Variants in METTL6 observed in about 807,000 individuals in gnomAD.
The protein encoded by METTL6 is methyltransferase 6, tRNA N3-cytidine.
Under a neutral mutation model 26.4 loss-of-function variants are expected in METTL6, and 22 were observed. The ratio of observed to expected loss-of-function variants is 0.83; its 90% CI spans 0.59 to 1.19. METTL6 has a LOEUF of 1.19. Ranked by LOEUF, METTL6 falls within the 50% of genes most tolerant of loss-of-function variation. The probability of loss-of-function intolerance (pLI) is 0.00; values close to 1 mark genes in which losing one functional copy is unlikely to be tolerated. For missense variants in METTL6, 304 were observed against 324.8 expected, an observed-to-expected ratio of 0.94 and a Z score of 0.49; for synonymous variants, 109 against 116.2, an observed-to-expected ratio of 0.94 and a Z score of 0.40.
chr3:15,409,833 A>G lies in METTL6; in HGVS notation c.*1423T>C, dbSNP rs1442236585. Among the ~76,000 whole-genome samples, 1 of 152,228 alleles carries G rather than the reference A, an allele frequency of 6.6e-6. No individual in the cohort carries two copies. Among genetic ancestry groups the G allele is most frequent in the Non-Finnish European group, 1.5e-5 (1 of 68,044 alleles). On this transcript the variant is annotated 3_prime_UTR_variant, in exon 6 of 6. Coordinates refer to ENST00000383790, the MANE Select transcript of METTL6 (RefSeq NM_152396.4). ...TTTTGAAGAAATACATAACTGAACT[A>G]AAGGGGAGACCAATGGGCAAATATG...
chr3:15,424,095 G>A (rs1323156632), intron 3 of METTL6, among the ~76,000 whole-genome samples: 9 of 151,974 alleles, frequency 5.9e-5, no homozygotes, highest in Non-Finnish European at 8.8e-5. Flanking sequence ...TGAAAGAATC[G>A]CTTAAGCCCA....
chr3:15,385,450 T>C (rs1045866618), intron 6 of METTL6, among the ~76,000 whole-genome samples: 4 of 151,822 alleles, frequency 2.6e-5, no homozygotes, highest in South Asian at 4.2e-4. Flanking sequence ...ATACAAAACA[T>C]AGCTGCGCGT....
At chr3:15,409,253 G>A (rs145502956), downstream of METTL6, among the ~76,000 whole-genome samples, 1 of 152,206 alleles carries the variant, frequency 6.6e-6, no homozygotes, top group Non-Finnish European at 1.5e-5. Context: ...TCCAGATGTA[G>A]TTGGAGTTGA....
At chr3:15,417,982 G>A (rs1053651025) in intron 3 of METTL6, among the ~76,000 whole-genome samples, 3 of 152,144 alleles carry the variant, frequency 2.0e-5, no homozygotes, top group Non-Finnish European at 4.4e-5. Context: ...CAAGAGAGGA[G>A]ACAAAAACAA....
intron 6 of METTL6, among the ~76,000 whole-genome samples, chr3:15,390,820 C>A (rs9859655): frequency 6.7e-6 from 1 of 148,426 alleles, no homozygotes; most frequent in Middle Eastern, 3.2e-3. Context: ...TCATGTCACA[C>A]GAACAGATTG....
intron 4 of METTL6, 84 bp downstream of exon 4, chr3:15,415,688 A>T: frequency 6.3e-7 from 1 of 1,597,488 alleles, no homozygotes; most frequent in Non-Finnish European, 8.6e-7. Flanking sequence ...ATGTGAATCT[A>T]GACAGTACAT....
rs79200789 is a variant in METTL6, at chr3:15,426,341, G to A, written c.171C>T (p.Phe57=). The A allele has an allele frequency of 6.2e-7, 1 of 1,614,022 alleles. No individual in the cohort carries two copies. The highest frequency in any genetic ancestry group is 1.3e-5 in the African/African-American group (1 of 74,902). The stretch of plus-strand genomic sequence containing the variant: ...CTCTGGTGGTCCAGTGTCTGTCTTT[G>A]AAGAAATTAGTGCTATTTCTTTTGT... ...LFYKRNSTNF[F]KDRHWTTREF... The change falls in exon 2 of 6, where the codon TTC becomes TTT. Residue 57 remains phenylalanine, a synonymous_variant. Coordinates refer to ENST00000383790, the MANE Select transcript of METTL6 (RefSeq NM_152396.4).
chr3:15,415,537 T>C, intron 4 of METTL6: 1 of 1,598,156 alleles, frequency 6.3e-7, no homozygotes, highest in African/African-American at 1.3e-5. Context: ...AACTGCAAAA[T>C]CATCCTTGTC....
downstream of METTL6, among the ~76,000 whole-genome samples, chr3:15,405,080 C>T (rs1321498991): frequency 6.6e-6 from 1 of 152,192 alleles, no homozygotes; most frequent in African/African-American, 2.4e-5. Flanking sequence ...CCCTTCTCTG[C>T]TTTGGCCTTA....
chr3:15,407,667 G>A (rs1006398284), downstream of METTL6, among the ~76,000 whole-genome samples: 6 of 152,132 alleles, frequency 3.9e-5, no homozygotes, highest in South Asian at 6.2e-4. Flanking sequence ...CCAACAGCCC[G>A]TTAGTCTTCT....
At chr3:15,424,862 A>G in intron 3 of METTL6, 93 bp downstream of exon 3, 1 of 1,543,676 alleles carries the variant, frequency 6.5e-7, no homozygotes, top group Non-Finnish European at 8.9e-7. Flanking sequence ...GCTCCAGGGA[A>G]GACTAGAATT....
At chr3:15,418,747 A>C (rs1309276841) in intron 3 of METTL6, among the ~76,000 whole-genome samples, 1 of 152,092 alleles carries the variant, frequency 6.6e-6, no homozygotes, top group Non-Finnish European at 1.5e-5. Flanking sequence ...AATCCTAGGA[A>C]TAGCTGGGCG....
chr3:15,391,947 T>C (rs1450801345), intron 6 of METTL6, among the ~76,000 whole-genome samples: 9 of 152,174 alleles, frequency 5.9e-5, no homozygotes, highest in African/African-American at 1.2e-4. Context: ...TGAATAGTGC[T>C]GCAATAAACA....
At chr3:15,386,334 G>C (rs974491468) in intron 6 of METTL6, among the ~76,000 whole-genome samples, 1 of 152,214 alleles carries the variant, frequency 6.6e-6, no homozygotes, top group South Asian at 2.1e-4. Flanking sequence ...TGCTTCCTTG[G>C]AGGACAGAAT....
chr3:15,415,994 C>G (rs773728876), intron 3 of METTL6, 52 bp from the exon 4 acceptor site: 2 of 1,504,754 alleles, frequency 1.3e-6, no homozygotes, highest in Non-Finnish European at 1.8e-6. Context: ...TAGGCTGATA[C>G]ATATAGAAAA....
chr3:15,403,529 G>A (rs1359422303), intron 6 of METTL6, among the ~76,000 whole-genome samples: 2 of 152,150 alleles, frequency 1.3e-5, no homozygotes, highest in Non-Finnish European at 2.9e-5. Flanking sequence ...TGGCACTCAC[G>A]ATTTCCACAG....
At chr3:15,398,938 TA>T in intron 6 of METTL6, among the ~76,000 whole-genome samples, 1 of 152,296 alleles carries the variant, frequency 6.6e-6, no homozygotes, top group Non-Finnish European at 1.5e-5. Flanking sequence ...CAGCACAATG[TA>T]CAGGTCACAA....
At chr3:15,416,136 C>T (rs1297933973) in intron 3 of METTL6, among the ~76,000 whole-genome samples, 194 bp from the exon 4 acceptor site, 2 of 152,198 alleles carry the variant, frequency 1.3e-5, no homozygotes, top group Non-Finnish European at 2.9e-5. Context: ...AGCAAGACTT[C>T]ATTTTAATAA....
At chr3:15,401,551 A>G (rs1467113699) in intron 6 of METTL6, among the ~76,000 whole-genome samples, 3 of 151,554 alleles carry the variant, frequency 2.0e-5, no homozygotes, top group Non-Finnish European at 4.4e-5. Context: ...AAAAAAAAAA[A>G]AAAAAAGAAA....
Sources: gnomAD v4.1 joint callset for allele counts (sites outside exome capture counted in the v4.1 genomes callset) on GRCh38, gnomAD v4.1.1 for gene constraint, MANE v1.5 for transcripts, NCBI Gene and HGNC (gene_info 2026-07-23, HGNC 2026-07-21) for gene names.